FAT1: variants seen among roughly 807,000 people sequenced by gnomAD.
FAT1 encodes protocadherin Fat 1.
Under a neutral mutation model 329.8 loss-of-function variants are expected in FAT1, and 171 were observed. The observed-to-expected ratio is 0.52, with a 90% CI of 0.46 to 0.59. FAT1 has a LOEUF of 0.59. Ranked by LOEUF, FAT1 falls within the 20% of genes least tolerant of loss-of-function variation. The pLI is 0.00. For synonymous variants in FAT1, 2,233 were observed against 2,228.6 expected (o/e 1.00, Z -0.06); for missense variants, 5,672 against 5,774.4 (o/e 0.98, Z 0.57).
chr4:186,712,336 T>C (rs1744998628), intron 1 of FAT1, among the ~76,000 whole-genome samples: 1 of 150,388 alleles, frequency 6.6e-6, no homozygotes, highest in Admixed American at 6.6e-5. Context: ...GAGGGAATGA[T>C]TACTGTGGCA....
chr4:186,621,344 T>C lies in FAT1; in HGVS notation c.5242A>G (p.Asn1748Asp), dbSNP rs768014878. The C allele has an allele frequency of 1.2e-5, 20 of 1,613,920 alleles. No individual in the cohort carries two copies. In the Admixed American group the frequency reaches 3.3e-4, roughly 27 times the overall value. The change falls in exon 10 of 27, where the codon AAT becomes GAT. Residue 1748 changes from asparagine (N) to aspartate (D), a missense_variant. This residue lies in a region of FAT1 where 3,966 missense variants were observed against 3,915.2 expected (regional missense o/e 1.01). Coordinates refer to ENST00000441802, the MANE Select transcript of FAT1 (RefSeq NM_005245.4). ...QGTNMAGLST[N>D]TTVLVHLQDE... ...TGCAAGTGAACTAGAACCGTTGTAT[T>C]AGTGGACAAACCAGCCATGTTAGTT...
chr4:186,662,550 A>G (rs1373675214), intron 3 of FAT1, among the ~76,000 whole-genome samples: 1 of 152,288 alleles, frequency 6.6e-6, no homozygotes, highest in South Asian at 2.1e-4. Context: ...CCAATCCCTT[A>G]CCACCTGCAG....
intron 2 of FAT1, among the ~76,000 whole-genome samples, chr4:186,680,489 C>A (rs1743161264): frequency 6.6e-6 from 1 of 152,162 alleles, no homozygotes; most frequent in Non-Finnish European, 1.5e-5. Flanking sequence ...CCTCCCCTGC[C>A]CCTCTGGAAG....
chr4:186,706,658 G>A lies in FAT1; in HGVS notation c.3170C>T (p.Ser1057Leu), dbSNP rs543528838. 41 of 1,613,932 alleles carry A rather than the reference G, an allele frequency of 2.5e-5. 1 individual carries two copies. Among genetic ancestry groups the A allele is most frequent in the African/African-American group, 9.3e-5 (7 of 75,012 alleles). ...APVGSLVMTVSAHDEDARRDG... is the reference protein window; with the variant it reads ...APVGSLVMTVLAHDEDARRDG... ...TCTTCTGGCGTCCTCATCATGAGCC[G>A]ACACCGTCATTACCAATGAACCAAC... Residue 1057 changes from serine (S) to leucine (L), a missense_variant, in exon 2 of 27, where the codon TCG (serine) becomes TTG (leucine). Ser to Leu is a moderately radical substitution (Grantham distance 145). This residue lies in a region of FAT1 where 3,966 missense variants were observed against 3,915.2 expected (regional missense o/e 1.01). Coordinates refer to ENST00000441802, the MANE Select transcript of FAT1 (RefSeq NM_005245.4).
chr4:186,618,797 G>A lies in FAT1; in HGVS notation c.7789C>T (p.Arg2597Ter), dbSNP rs777631605. The change falls in exon 10 of 27, where the codon CGA becomes TGA. Residue 2597 changes from arginine to a stop codon, truncating the protein, a stop_gained. Coordinates refer to ENST00000441802, the MANE Select transcript of FAT1 (RefSeq NM_005245.4). LOFTEE classifies it high-confidence loss of function. ...TDDNDNAPQF[R>*]ATKYEVNIGS... Reference sequence around the variant, plus strand: ...ATATTCACTTCGTATTTGGTTGCTCGAAATTGTGGTGCATTGTCATTGTCA... The same window carrying A: ...ATATTCACTTCGTATTTGGTTGCTCAAAATTGTGGTGCATTGTCATTGTCA... 8 of 1,613,868 alleles carry A rather than the reference G, an allele frequency of 5.0e-6. No homozygotes were observed. The highest frequency in any genetic ancestry group is 1.3e-5 in the African/African-American group (1 of 74,930).
chr4:186,653,600 G>T (rs1417592889), intron 3 of FAT1, among the ~76,000 whole-genome samples: 7 of 152,184 alleles, frequency 4.6e-5, no homozygotes, highest in Non-Finnish European at 8.8e-5. Flanking sequence ...AAGCACAGTA[G>T]CTTGTTTTTG....
intron 3 of FAT1, among the ~76,000 whole-genome samples, chr4:186,656,052 G>A (rs571351457): frequency 6.6e-6 from 1 of 152,394 alleles, no homozygotes; most frequent in African/African-American, 2.4e-5. Context: ...GGGCCATACG[G>A]GACCATGCCA....
intron 19 of FAT1, 35 bp downstream of exon 19, chr4:186,603,141 T>C (rs2126424050): frequency 6.2e-7 from 1 of 1,609,378 alleles, no homozygotes; most frequent in Non-Finnish European, 8.5e-7. Flanking sequence ...TGAAACCATC[T>C]GTGACACCGA....
chr4:186,663,634 C>G (rs746153102), intron 2 of FAT1, 21 bp from the exon 3 acceptor site: 1 of 1,571,682 alleles, frequency 6.4e-7, no homozygotes, highest in Non-Finnish European at 8.6e-7. Context: ...AAAAGAAAAG[C>G]GTAAAGCAGC....
rs775383485 is a variant in FAT1, at chr4:186,599,939, G to C, written c.12062C>G (p.Pro4021Arg). The change falls in exon 22 of 27, where the codon CCT (proline) becomes CGT (arginine). Residue 4021 changes from proline (P) to arginine (R), a missense_variant. Transcript: ENST00000441802. ...ATTGCAAACGCCTCCATTCTGGCAA[G>C]GGTTGCTGGCGCAGTCTTCCGTGGC... ...LTATEDCASN[P>R]CQNGGVCNPS... The C allele has an allele frequency of 5.0e-6, 8 of 1,613,684 alleles. No individual in the cohort carries two copies. The highest frequency in any genetic ancestry group is 6.8e-6 in the Non-Finnish European group (8 of 1,179,776).
chr4:186,614,213 T>C lies in FAT1; in HGVS notation c.9207A>G (p.Lys3069=). The C allele has an allele frequency of 6.3e-7, 1 of 1,599,964 alleles. No homozygotes were observed. The highest frequency in any genetic ancestry group is 8.5e-7 in the Non-Finnish European group (1 of 1,175,908). The change falls in exon 12 of 27, where the codon AAA becomes AAG. Residue 3069 remains lysine, a synonymous_variant. Transcript: ENST00000441802. ...TACCTGTGTCTGGATTTAGTTTGAA[T>C]TTTTCTGCACCTGAACCCAATAACG... ...TYTLLGSGAE[K]FKLNPDTGEL...
chr4:186,588,936 C>T lies in FAT1; in HGVS notation c.13423G>A (p.Gly4475Ser), dbSNP rs751467445. ...PRDMPAAGSL[G>S]SSSRNRQRFN... ...CTCTGCCGGTTTCTTGATGAAGAAC[C>T]CAAGCTACCCGCGGCAGGCATGTCT... is the stretch of plus-strand genomic sequence containing the variant. Residue 4475 changes from glycine to serine, a missense_variant, in exon 27 of 27, where the codon GGT becomes AGT. This residue lies in a region of FAT1 where 1,706 missense variants were observed against 1,859.1 expected (regional missense o/e 0.92). Coordinates refer to ENST00000441802, the MANE Select transcript of FAT1 (RefSeq NM_005245.4). The T allele has an allele frequency of 6.2e-7, 1 of 1,613,898 alleles. No homozygotes were observed. Among genetic ancestry groups the T allele is most frequent in the South Asian group, 1.1e-5 (1 of 91,074 alleles).
rs769129051 is a variant in FAT1 at position 186,643,250 on chromosome 4, G to A, written c.3581-3467C>T. 3.3e-5 allele frequency among the ~76,000 whole-genome samples: 5 copies of A among 152,134 alleles called. No individual in the cohort carries two copies. The South Asian group carries it at 6.2e-4, about 19-fold the overall frequency. Reference sequence around the variant, plus strand: ...CCCACGGCAGGAAGCTCTGCTGGACGGCACCGGTCTACTCAGGAGGCATAA... The same window carrying A: ...CCCACGGCAGGAAGCTCTGCTGGACAGCACCGGTCTACTCAGGAGGCATAA... On this transcript the variant is annotated intron_variant, in intron 3 of 26. Coordinates refer to ENST00000441802, the MANE Select transcript of FAT1 (RefSeq NM_005245.4).
chr4:186,631,164 T>A (rs1740565857), intron 7 of FAT1, among the ~76,000 whole-genome samples: 1 of 152,190 alleles, frequency 6.6e-6, no homozygotes, highest in Non-Finnish European at 1.5e-5. Flanking sequence ...CTCTGTTGAC[T>A]TCTGAGTGTT....
chr4:186,613,801 A>G (rs1739577744), intron 12 of FAT1, among the ~76,000 whole-genome samples: 1 of 152,220 alleles, frequency 6.6e-6, no homozygotes, highest in South Asian at 2.1e-4. Context: ...CATTTTGTTT[A>G]TGAAAATTCT....
chr4:186,692,554 C>T (rs1459270797), intron 2 of FAT1, among the ~76,000 whole-genome samples: 3 of 152,122 alleles, frequency 2.0e-5, no homozygotes, highest in Admixed American at 6.6e-5. Flanking sequence ...CCTCGTGATC[C>T]GCCCGCCTCG....
rs116667282 is a variant in FAT1 at position 186,631,435 on chromosome 4, T to C, written c.4323+2249A>G. On this transcript the variant is annotated intron_variant, in intron 7 of 26. Coordinates refer to ENST00000441802, the MANE Select transcript of FAT1 (RefSeq NM_005245.4). The stretch of plus-strand genomic sequence containing the variant: ...TCAATCCATCCCCGCGGTATCCTAG[T>C]GTCTCACCGTCCAGGTGACTCCTCT... Among the ~76,000 whole-genome samples, 806 of 151,090 alleles carry C rather than the reference T, an allele frequency of 5.3e-3. 14 individuals carry two copies. Among genetic ancestry groups the C allele is most frequent in the African/African-American group, 0.018 (737 of 40,900 alleles).
chr4:186,592,808 C>T (rs1217924599), intron 26 of FAT1: 1 of 455,998 alleles, frequency 2.2e-6, no homozygotes, highest in African/African-American at 2.0e-5. Flanking sequence ...AGTTAGAAAA[C>T]AGTGCATGAA....
At chr4:186,715,224 T>G (rs1016460680) in intron 1 of FAT1, among the ~76,000 whole-genome samples, 28 of 151,518 alleles carry the variant, frequency 1.8e-4, no homozygotes, top group Non-Finnish European at 1.5e-5. Flanking sequence ...CTCCCCATGC[T>G]GTCCCAGGTG....
Sources: allele counts gnomAD v4.1 joint callset (sites outside exome capture counted in the v4.1 genomes callset), GRCh38; gene constraint gnomAD v4.1.1; regional missense constraint gnomAD v4.1.1; transcripts MANE v1.5; gene names NCBI Gene and HGNC (gene_info 2026-07-23, HGNC 2026-07-21).